The following PTGES variants were observed in gnomAD, a reference collection of about 807,000 sequenced individuals.
PTGES encodes prostaglandin E synthase.
A neutral mutation model predicts 11.8 loss-of-function variants in PTGES; 3 were observed. The observed-to-expected ratio is 0.25, with a 90% CI of 0.12 to 0.66. The LOEUF (loss-of-function observed/expected upper bound fraction) is 0.66, where lower values mean the gene tolerates loss of function less well. PTGES is among the 30% of genes least tolerant of loss of function. The probability of loss-of-function intolerance (pLI) is 0.82; values close to 1 mark genes in which losing one functional copy is unlikely to be tolerated. For synonymous variants in PTGES, 94 were observed against 90.4 expected (o/e 1.04, Z -0.22); for missense variants, 180 against 213.0 (o/e 0.85, Z 0.96).
In PTGES at chr9:129,748,753, T is replaced by C; in HGVS notation, c.127-16A>G. On this transcript the variant is annotated splice_polypyrimidine_tract_variant and intron_variant, in intron 1 of 2. Coordinates refer to ENST00000340607, the MANE Select transcript of PTGES (RefSeq NM_004878.5). ...TGGCAAAGGCCTGAAATATACCAGTTGAGAGTCACTCCTCGTGAGACAAAC... is the reference window on the plus strand; with the variant it reads ...TGGCAAAGGCCTGAAATATACCAGTCGAGAGTCACTCCTCGTGAGACAAAC... The C allele has an allele frequency of 6.3e-7, 1 of 1,579,668 alleles. No individual in the cohort carries two copies. The highest frequency in any genetic ancestry group is 8.6e-7 in the Non-Finnish European group (1 of 1,159,012).
chr9:129,742,024 C>A (rs1018806996), intron 2 of PTGES, among the ~76,000 whole-genome samples: 13 of 151,880 alleles, frequency 8.6e-5, no homozygotes, highest in African/African-American at 3.1e-4. Flanking sequence ...CCTCCAAAAT[C>A]ACTCCATCCT....
Position 129,739,972 on chromosome 9 carries a change from G to A in PTGES, c.210-112C>T. On this transcript the variant is annotated intron_variant, in intron 2 of 2. Transcript: ENST00000340607. This position sits in a 1 kb window ranked among gnomAD's most constrained non-coding sequence, Gnocchi z 5.7. ...TTTGACCCACTGGGGGTCATTTCAG[G>A]CATATCACACACTCAAATCCATTCA... 2.3e-6 allele frequency: 3 copies of A among 1,293,772 alleles called. No homozygotes were observed. In the South Asian group the frequency reaches 4.5e-5, roughly 20 times the overall value. 80.1% of individuals were successfully genotyped at this position (1,293,772 alleles called of 1,614,324 possible).
At chr9:129,751,824 G>C (rs1833113241) in intron 1 of PTGES, among the ~76,000 whole-genome samples, 2 of 152,128 alleles carry the variant, frequency 1.3e-5, no homozygotes. Flanking sequence ...CGCCTCCCCT[G>C]CCCTCAGGGC....
chr9:129,739,442 A>T lies in PTGES; in HGVS notation c.*169T>A. ...AACATACACACACACATACACACAC[A>T]CGGGCACACACACAGGCCCACTGTG... On this transcript the variant is annotated 3_prime_UTR_variant, in exon 3 of 3. Transcript: ENST00000340607. This position sits in a 1 kb window ranked among gnomAD's most constrained non-coding sequence, Gnocchi z 5.7. 3 of 888,796 alleles carry T rather than the reference A, an allele frequency of 3.4e-6. No individual in the cohort carries two copies. The highest frequency in any genetic ancestry group is 5.0e-6 in the Non-Finnish European group (3 of 600,596). 55.1% of individuals were successfully genotyped at this position (888,796 alleles called of 1,614,324 possible). A position where few individuals can be genotyped will look rare whatever the true frequency, so the allele number is the denominator to read the frequency against.
At chr9:129,741,113 G>A (rs971342373) in intron 2 of PTGES, among the ~76,000 whole-genome samples, 2 of 152,184 alleles carry the variant, frequency 1.3e-5, no homozygotes, top group African/African-American at 4.8e-5. Context: ...AGGAAGCTCT[G>A]CAGCGTGCCT....
chr9:129,743,133 C>G (rs1183160702), intron 2 of PTGES, among the ~76,000 whole-genome samples: 1 of 152,176 alleles, frequency 6.6e-6, no homozygotes, highest in Non-Finnish European at 1.5e-5. Context: ...CATTGGGCAG[C>G]AATTCAGCGG....
At chr9:129,743,871 CAG>C (rs1162876646) in intron 2 of PTGES, among the ~76,000 whole-genome samples, 4 of 152,104 alleles carry the variant, frequency 2.6e-5, no homozygotes, top group Admixed American at 2.6e-4. Context: ...TTTTTTGAGA[CAG>C]AGTCTCGCTC....
Position 129,739,956 on chromosome 9 carries a change from C to T in PTGES, c.210-96G>A. ...TGGAAGCTGGGGGTGCTTTGACCCACTGGGGGTCATTTCAGGCATATCACA... is the reference window on the plus strand; with the variant it reads ...TGGAAGCTGGGGGTGCTTTGACCCATTGGGGGTCATTTCAGGCATATCACA... On this transcript the variant is annotated intron_variant, in intron 2 of 2. Coordinates refer to ENST00000340607, the MANE Select transcript of PTGES (RefSeq NM_004878.5). This position sits in a 1 kb window ranked among gnomAD's most constrained non-coding sequence, Gnocchi z 5.7. 4 of 1,421,182 alleles carry T rather than the reference C, an allele frequency of 2.8e-6. No individual in the cohort carries two copies. Among genetic ancestry groups the T allele is most frequent in the Non-Finnish European group, 3.8e-6 (4 of 1,060,706 alleles). The allele number at this position is 1,421,182 out of a possible 1,614,324, so 88.0% of individuals were successfully genotyped here.
At chr9:129,752,343 A>C (rs1833120505) in intron 1 of PTGES, among the ~76,000 whole-genome samples, 1 of 151,932 alleles carries the variant, frequency 6.6e-6, no homozygotes, top group South Asian at 2.1e-4. Flanking sequence ...GGGACTCGTT[A>C]ATGTTGTTTT....
intron 2 of PTGES, among the ~76,000 whole-genome samples, chr9:129,744,147 C>G (rs1833027496): frequency 6.6e-6 from 1 of 152,156 alleles, no homozygotes; most frequent in Admixed American, 6.6e-5. Flanking sequence ...CTGTGCTTGA[C>G]TGAGTAGGGA....
rs1833045214 is a variant in PTGES at position 129,745,976 on chromosome 9, G to A, written c.209+2679C>T. On this transcript the variant is annotated intron_variant, in intron 2 of 2. Coordinates refer to ENST00000340607, the MANE Select transcript of PTGES (RefSeq NM_004878.5). This position sits in a 1 kb window ranked among gnomAD's most constrained non-coding sequence, Gnocchi z 4.2. Reference sequence around the variant, plus strand: ...TCGAACCCGGGAGGCAGAGGTTGCAGAGAGCCGAGATCGTGCCATTGCATT... The same window carrying A: ...TCGAACCCGGGAGGCAGAGGTTGCAAAGAGCCGAGATCGTGCCATTGCATT... 6.6e-6 allele frequency among the ~76,000 whole-genome samples: 1 copy of A among 151,608 alleles called. No individual in the cohort carries two copies. Among genetic ancestry groups the A allele is most frequent in the South Asian group, 2.1e-4 (1 of 4,814 alleles).
chr9:129,743,253 C>CGGTTT (rs1432148398), intron 2 of PTGES, among the ~76,000 whole-genome samples: 1 of 152,136 alleles, frequency 6.6e-6, no homozygotes, highest in East Asian at 1.9e-4. Flanking sequence ...GGGGCCCCTC[C>CGGTTT]GAGGCCGCAG....
rs45554541 is a variant in PTGES at position 129,751,925 on chromosome 9, G to A, written c.126+962C>T. ...AATGCAGCTGTTCTACTTGATGCCC[G>A]GATCCCATATCCCAGGACCAGCCAA... On this transcript the variant is annotated intron_variant, in intron 1 of 2. Transcript: ENST00000340607. 9.5e-3 allele frequency among the ~76,000 whole-genome samples: 1,442 copies of A among 152,302 alleles called. 23 individuals carry two copies. Among genetic ancestry groups the A allele is most frequent in the African/African-American group, 0.033 (1,361 of 41,552 alleles).
At chr9:129,748,085 A>T (rs1833065338) in intron 2 of PTGES, among the ~76,000 whole-genome samples, 1 of 150,912 alleles carries the variant, frequency 6.6e-6, no homozygotes, top group Admixed American at 6.6e-5. Context: ...CCAAATGCCC[A>T]TCGCAGGGGA....
chr9:129,742,871 C>CAA (rs764985510), intron 2 of PTGES, among the ~76,000 whole-genome samples: 2 of 119,000 alleles, frequency 1.7e-5, no homozygotes, highest in Admixed American at 8.6e-5. Context: ...GACTCCGTCT[C>CAA]AAAAAAAAAA....
At chr9:129,740,111 A>G (rs1326027201) in intron 2 of PTGES, among the ~76,000 whole-genome samples, 1 of 152,024 alleles carries the variant, frequency 6.6e-6, no homozygotes, top group Admixed American at 6.6e-5. Flanking sequence ...TCAGAGGGCT[A>G]CTGGTCCAGG....
intron 2 of PTGES, among the ~76,000 whole-genome samples, chr9:129,746,394 G>C (rs530906965): frequency 2.2e-4 from 33 of 152,290 alleles, no homozygotes; most frequent in Admixed American, 9.2e-4. Context: ...TTTTGTTCTT[G>C]AAAGTACAGC....
In PTGES at chr9:129,739,453, C is replaced by CTG. The variant is rs1280964637; in HGVS notation, c.*157_*158insCA. 2 of 1,010,246 alleles carry CTG rather than the reference C, an allele frequency of 2.0e-6. No homozygotes were observed. The highest frequency in any genetic ancestry group is 3.3e-5 in the African/African-American group (2 of 61,072). The allele number at this position is 1,010,246 out of a possible 1,614,324, so 62.6% of individuals were successfully genotyped here. On this transcript the variant is annotated 3_prime_UTR_variant, in exon 3 of 3. Coordinates refer to ENST00000340607, the MANE Select transcript of PTGES (RefSeq NM_004878.5). This position sits in a 1 kb window ranked among gnomAD's most constrained non-coding sequence, Gnocchi z 5.7. The stretch of plus-strand genomic sequence containing the variant: ...ACACATACACACACACGGGCACACA[C>CTG]ACAGGCCCACTGTGCCCAGAGACCC...
chr9:129,739,537 A>G lies in PTGES; in HGVS notation c.*74T>C. 2 of 1,492,662 alleles carry G rather than the reference A, an allele frequency of 1.3e-6. No homozygotes were observed. The highest frequency in any genetic ancestry group is 1.8e-6 in the Non-Finnish European group (2 of 1,119,348). The allele number at this position is 1,492,662 out of a possible 1,614,324, so 92.5% of individuals were successfully genotyped here. On this transcript the variant is annotated 3_prime_UTR_variant, in exon 3 of 3. Coordinates refer to ENST00000340607, the MANE Select transcript of PTGES (RefSeq NM_004878.5). This position sits in a 1 kb window ranked among gnomAD's most constrained non-coding sequence, Gnocchi z 5.7. ...CAGGGCCCACCACAATCTGGAAGGA[A>G]CATCAAGTCCCCAGGTATAGCCACG...
Sources: allele counts gnomAD v4.1 joint callset (sites outside exome capture counted in the v4.1 genomes callset), GRCh38; gene constraint gnomAD v4.1.1; non-coding constraint Gnocchi (gnomAD v3.1); transcripts MANE v1.5; gene names NCBI Gene and HGNC (gene_info 2026-07-23, HGNC 2026-07-21).